ZNF197: variants seen among roughly 807,000 people sequenced by gnomAD.
ZNF197 encodes the protein zinc finger protein 197, also known as VHL-associated KRAB-A domain-containing protein.
A neutral mutation model predicts 27.4 loss-of-function variants in ZNF197; 14 were observed. The observed-to-expected ratio is 0.51, with a 90% CI of 0.34 to 0.80. The LOEUF (loss-of-function observed/expected upper bound fraction) is 0.80. Ranked by LOEUF, ZNF197 falls within the 30% of genes least tolerant of loss-of-function variation. ZNF197 has a pLI of 0.02. For synonymous variants in ZNF197, 415 were observed against 420.0 expected (o/e 0.99, Z 0.15); for missense variants, 1,090 against 1,222.6 (o/e 0.89, Z 1.62).
chr3:44,631,309 T>C, intron 3 of ZNF197, 88 bp downstream of exon 3: 1 of 1,525,378 alleles, frequency 6.6e-7, no homozygotes, highest in Non-Finnish European at 9.0e-7. Context: ...CTTCCTCTGC[T>C]ACCCTGTCTA....
chr3:44,631,397 T>C (rs1701985635), intron 3 of ZNF197, among the ~76,000 whole-genome samples, 176 bp downstream of exon 3: 1 of 151,966 alleles, frequency 6.6e-6, no homozygotes, highest in Non-Finnish European at 1.5e-5. Flanking sequence ...TGAGCTTGTA[T>C]ACATCCCCCC....
rs1702743964 is a variant in ZNF197 at position 44,643,326 on chromosome 3, A to G, written c.2196A>G (p.Lys732=). 1 of 1,613,630 alleles carries G rather than the reference A, an allele frequency of 6.2e-7. No homozygotes were observed. The highest frequency in any genetic ancestry group is 1.3e-5 in the African/African-American group (1 of 74,860). The stretch of plus-strand genomic sequence containing the variant: ...ATCAGAAACTCCATACACAAGAGAA[A>G]GCCTACAAATGTGAGGATTGTGGGA... ...MVHQKLHTQE[K]AYKCEDCGKA... is the part of the protein sequence containing the mutation. The change falls in exon 6 of 6, where the codon AAA becomes AAG. Residue 732 remains lysine, a synonymous_variant. Coordinates refer to ENST00000344387, the MANE Select transcript of ZNF197 (RefSeq NM_006991.5).
rs780408142 is a variant in ZNF197 at position 44,631,129 on chromosome 3, C to T, written c.458C>T (p.Pro153Leu). 4 of 1,614,114 alleles carry T rather than the reference C, an allele frequency of 2.5e-6. No individual in the cohort carries two copies. The South Asian group carries it at 3.3e-5, about 13-fold the overall frequency. The change falls in exon 3 of 6, where the codon CCT becomes CTT. Residue 153 changes from proline to leucine, a missense_variant. Physicochemically the swap from Pro to Leu is moderately conservative, Grantham distance 98. Transcript: ENST00000344387. ...GTGAGTGCCCCAGGAACAACACTTCCTCCTGTACTTCCTGGCAGCCACATA... is the reference window on the plus strand; with the variant it reads ...GTGAGTGCCCCAGGAACAACACTTCTTCCTGTACTTCCTGGCAGCCACATA... ...KVVSAPGTTL[P>L]PVLPGSHIAA...
At chr3:44,631,347 C>G (rs1701980185) in intron 3 of ZNF197, 126 bp downstream of exon 3, 1 of 1,190,462 alleles carries the variant, frequency 8.4e-7, no homozygotes, top group African/African-American at 1.5e-5. Context: ...CAATTTCTTT[C>G]TGCTGTTCTG....
intron 5 of ZNF197, among the ~76,000 whole-genome samples, chr3:44,635,965 G>A (rs1444895100): frequency 6.6e-6 from 1 of 152,148 alleles, no homozygotes; most frequent in African/African-American, 2.4e-5. Flanking sequence ...ACAGTTCAGT[G>A]GTTATTGTGT....
rs528395156 is a variant in ZNF197, at chr3:44,646,605, T to G, written c.*2385T>G. 4.8e-5 allele frequency: 40 copies of G among 839,816 alleles called. No individual in the cohort carries two copies. The highest frequency in any genetic ancestry group is 2.2e-4 in the Middle Eastern group (1 of 4,506). The allele number at this position is 839,816 out of a possible 1,614,324, so 52.0% of individuals were successfully genotyped here. ...TGCCCTGGATTCTTCAAAATATTAT[T>G]ATGATGAAAAAGAGAGGGGAGTGAA... On this transcript the variant is annotated 3_prime_UTR_variant, in exon 6 of 6. Coordinates refer to ENST00000344387, the MANE Select transcript of ZNF197 (RefSeq NM_006991.5).
rs761985820 is a variant in ZNF197 at position 44,643,734 on chromosome 3, C to G, written c.2604C>G (p.His868Gln). The change falls in exon 6 of 6, where the codon CAC becomes CAG. Residue 868 changes from histidine (H) to glutamine (Q), a missense_variant. Physicochemically the swap from His to Gln is conservative, Grantham distance 24 (BLOSUM62 0). Transcript: ENST00000344387. ...ACCTGATTGAACATCAAAGAATTCA[C>G]AGTGGAGAAAAAACCTACGAATGTC... is the stretch of plus-strand genomic sequence containing the variant. Reference protein sequence around the residue: ...NRNLIEHQRIHSGEKTYECHV... With the variant: ...NRNLIEHQRIQSGEKTYECHV... The G allele has an allele frequency of 6.2e-7, 1 of 1,613,970 alleles. No individual in the cohort carries two copies. The highest frequency in any genetic ancestry group is 8.5e-7 in the Non-Finnish European group (1 of 1,179,994).
rs1345724954 is a variant in ZNF197, at chr3:44,642,728, C to G, written c.1598C>G (p.Ser533Cys). ...CTCATTCTGCACCAGAGAATCCACT[C>G]TGGGGAAAAACCCTATAAATGTGAT... ...KSLILHQRIH[S>C]GEKPYKCDEC... The change falls in exon 6 of 6, where the codon TCT (serine) becomes TGT (cysteine). Residue 533 changes from serine (S) to cysteine (C), a missense_variant. Transcript: ENST00000344387. 6.2e-7 allele frequency: 1 copy of G among 1,613,682 alleles called. No homozygotes were observed. The highest frequency in any genetic ancestry group is 8.5e-7 in the Non-Finnish European group (1 of 1,179,998).
Position 44,642,831 on chromosome 3 carries a change from G to T in ZNF197, c.1701G>T (p.Lys567Asn). The T allele has an allele frequency of 3.1e-6, 5 of 1,614,068 alleles. No homozygotes were observed. Among genetic ancestry groups the T allele is most frequent in the Non-Finnish European group, 4.2e-6 (5 of 1,180,022 alleles). Reference protein sequence around the residue: ...QRLHSAENPYKCKECGKVFIR... With the variant: ...QRLHSAENPYNCKECGKVFIR... Reference sequence around the variant, plus strand: ...TCCACAGTGCAGAGAACCCTTACAAGTGTAAAGAATGTGGAAAAGTTTTCA... The same window carrying T: ...TCCACAGTGCAGAGAACCCTTACAATTGTAAAGAATGTGGAAAAGTTTTCA... Residue 567 changes from lysine to asparagine, a missense_variant, in exon 6 of 6, where the codon AAG becomes AAT. Lys to Asn is a moderately conservative substitution (Grantham distance 94). Coordinates refer to ENST00000344387, the MANE Select transcript of ZNF197 (RefSeq NM_006991.5).
intron 1 of ZNF197, 125 bp from the exon 2 acceptor site, chr3:44,628,949 C>A: frequency 3.4e-6 from 2 of 596,352 alleles, no homozygotes; most frequent in South Asian, 2.6e-5. Context: ...CTCTCTAGAG[C>A]CTGGAACCTT....
Position 44,646,212 on chromosome 3 carries a change from T to TA in ZNF197, c.*1995dup. On this transcript the variant is annotated 3_prime_UTR_variant, in exon 6 of 6. Transcript: ENST00000344387. The stretch of plus-strand genomic sequence containing the variant: ...TTGGAGCCTTGAATTCCTCATCTGT[T>TA]AAACAGGAGGAAGAATATCTACCTC... 1.0e-6 allele frequency: 1 copy of TA among 978,986 alleles called. No homozygotes were observed. The highest frequency in any genetic ancestry group is 1.2e-6 in the Non-Finnish European group (1 of 824,086). The allele number at this position is 978,986 out of a possible 1,614,324, so 60.6% of individuals were successfully genotyped here. A position where few individuals can be genotyped will look rare whatever the true frequency, so the allele number is the denominator to read the frequency against.
At position 44,647,456 on chromosome 3, in the gene ZNF197, T is replaced by A. The variant is rs1703021215; in HGVS notation, c.*3236T>A. ...CAGGAATTGCACTTCTGAGCATTTA[T>A]CCCAGAGAAATGAAAACTTGCGTTC... On this transcript the variant is annotated 3_prime_UTR_variant, in exon 6 of 6. Transcript: ENST00000344387. 6.6e-6 allele frequency: 1 copy of A among 152,166 alleles called. No homozygotes were observed. The highest frequency in any genetic ancestry group is 1.5e-5 in the Non-Finnish European group (1 of 68,032). The allele number at this position is 152,166 out of a possible 1,614,324, so 9.4% of individuals were successfully genotyped here.
chr3:44,642,810 C>A lies in ZNF197; in HGVS notation c.1680C>A (p.His560Gln), dbSNP rs1289068070. 1 of 1,613,780 alleles carries A rather than the reference C, an allele frequency of 6.2e-7. No homozygotes were observed. Among genetic ancestry groups the A allele is most frequent in the Non-Finnish European group, 8.5e-7 (1 of 1,179,972 alleles). Residue 560 changes from histidine (H) to glutamine (Q), a missense_variant, in exon 6 of 6, where the codon CAC (histidine) becomes CAA (glutamine). His to Gln is a conservative substitution (Grantham distance 24). Transcript: ENST00000344387. ...TTYLIDHQRL[H>Q]SAENPYKCKE... ...ATCTTATTGACCATCAGCGACTCCA[C>A]AGTGCAGAGAACCCTTACAAGTGTA... is the stretch of plus-strand genomic sequence containing the variant.
chr3:44,643,085 G>A lies in ZNF197; in HGVS notation c.1955G>A (p.Cys652Tyr), dbSNP rs1702721969. 6.2e-7 allele frequency: 1 copy of A among 1,613,894 alleles called. No homozygotes were observed. Among genetic ancestry groups the A allele is most frequent in the African/African-American group, 1.3e-5 (1 of 74,910 alleles). The change falls in exon 6 of 6, where the codon TGT becomes TAT. Residue 652 changes from cysteine (C) to tyrosine (Y), a missense_variant. Cys to Tyr is a radical substitution (Grantham distance 194, BLOSUM62 -2). Coordinates refer to ENST00000344387, the MANE Select transcript of ZNF197 (RefSeq NM_006991.5). ...RLHNGEKPYECNECGKVFILK... is the reference protein window; with the variant it reads ...RLHNGEKPYEYNECGKVFILK... ...CACAATGGGGAGAAGCCCTATGAAT[G>A]TAATGAATGTGGGAAAGTTTTTATT...
intron 1 of ZNF197, among the ~76,000 whole-genome samples, chr3:44,628,148 G>A (rs765787327): frequency 1.3e-5 from 2 of 152,170 alleles, no homozygotes; most frequent in Admixed American, 6.5e-5. Flanking sequence ...AAGGATAGCC[G>A]TTGTGACCTT....
At chr3:44,626,163 C>T (rs1701650267) in intron 1 of ZNF197, among the ~76,000 whole-genome samples, 1 of 152,102 alleles carries the variant, frequency 6.6e-6, no homozygotes, top group South Asian at 2.1e-4. Context: ...CTTTCCATCA[C>T]CCCCAGATCA....
chr3:44,637,120 A>G (rs1702338633), intron 5 of ZNF197, among the ~76,000 whole-genome samples: 1 of 152,206 alleles, frequency 6.6e-6, no homozygotes, highest in Non-Finnish European at 1.5e-5. Context: ...CGTAACAGAT[A>G]TATGACTTAC....
intron 1 of ZNF197, among the ~76,000 whole-genome samples, chr3:44,625,367 G>A (rs1421600101): frequency 6.6e-6 from 1 of 152,244 alleles, no homozygotes; most frequent in East Asian, 1.9e-4. Flanking sequence ...GTCTGTGTGT[G>A]TTTGTGGACC....
chr3:44,629,515 C>T lies in ZNF197; in HGVS notation c.361C>T (p.Gln121Ter). 1 of 1,578,694 alleles carries T rather than the reference C, an allele frequency of 6.3e-7. No homozygotes were observed. Among genetic ancestry groups the T allele is most frequent in the South Asian group, 1.2e-5 (1 of 84,766 alleles). ...GGCTGTGGCCCTGGTAGAGGAGCTGCAGAAAGACCTTGATGGACCAGCAAT... is the reference window on the plus strand; with the variant it reads ...GGCTGTGGCCCTGGTAGAGGAGCTGTAGAAAGACCTTGATGGACCAGCAAT... The part of the protein sequence containing the change: ...EEAVALVEEL[Q>*]KDLDGPAIQV... Residue 121 changes from glutamine to a stop codon, truncating the protein, a stop_gained, in exon 2 of 6, where the codon CAG becomes TAG. Transcript: ENST00000344387. LOFTEE classifies it high-confidence loss of function.
Sources: allele counts gnomAD v4.1 joint callset (sites outside exome capture counted in the v4.1 genomes callset), GRCh38; gene constraint gnomAD v4.1.1; transcripts MANE v1.5; gene names NCBI Gene and HGNC (gene_info 2026-07-23, HGNC 2026-07-21).